CYTH3: variants seen among roughly 807,000 people sequenced by gnomAD.
CYTH3 encodes cytohesin 3, also known as cytohesin-3.
A neutral mutation model predicts 55.1 loss-of-function variants in CYTH3; 23 were observed. The ratio of observed to expected loss-of-function variants is 0.42; its 90% confidence interval spans 0.30 to 0.59. The LOEUF is 0.59. CYTH3 is among the 20% of genes least tolerant of loss of function. The pLI is 0.20. For synonymous variants in CYTH3, 249 were observed against 194.9 expected, an observed-to-expected ratio of 1.28 and a Z score of -2.31; for missense variants, 413 against 524.8, an observed-to-expected ratio of 0.79 and a Z score of 2.08.
chr7:6,234,055 C>G (rs1779456968), intron 1 of CYTH3, among the ~76,000 whole-genome samples: 1 of 152,240 alleles, frequency 6.6e-6, no homozygotes, highest in South Asian at 2.1e-4. Flanking sequence ...GTACCATCAC[C>G]TCAGGGCGAG....
intron 1 of CYTH3, among the ~76,000 whole-genome samples, chr7:6,256,925 A>G (rs959704930): frequency 5.3e-5 from 8 of 152,214 alleles, no homozygotes; most frequent in African/African-American, 1.9e-4. Context: ...TCTGACCACA[A>G]AAAGGAAGGA....
At chr7:6,195,272 C>CA (rs1351593537) in intron 1 of CYTH3, among the ~76,000 whole-genome samples, 1 of 151,982 alleles carries the variant, frequency 6.6e-6, no homozygotes, top group South Asian at 2.1e-4. Context: ...CATGGCAAAG[C>CA]AAAAAAATTT....
chr7:6,175,640 T>G (rs1783333340), intron 5 of CYTH3, among the ~76,000 whole-genome samples: 1 of 146,146 alleles, frequency 6.8e-6, no homozygotes, highest in African/African-American at 2.6e-5. Flanking sequence ...CTCTGCCTCC[T>G]GGGTTCAAGC....
chr7:6,190,908 C>T (rs1383097497), intron 1 of CYTH3, among the ~76,000 whole-genome samples: 2 of 151,658 alleles, frequency 1.3e-5, no homozygotes, highest in Non-Finnish European at 2.9e-5. Context: ...GAAACCCCAT[C>T]TCTATTAAAA....
intron 1 of CYTH3, among the ~76,000 whole-genome samples, chr7:6,209,326 G>GT (rs1784271070): frequency 6.6e-6 from 1 of 152,118 alleles, no homozygotes; most frequent in Non-Finnish European, 1.5e-5. Flanking sequence ...AAAAAATATT[G>GT]TAAGATCTTG....
chr7:6,264,252 G>GA lies in CYTH3; in HGVS notation c.34+8221dup, dbSNP rs898754844. Among the ~76,000 whole-genome samples, 18 of 147,066 alleles carry GA rather than the reference G, an allele frequency of 1.2e-4. No homozygotes were observed. The South Asian group carries it at 2.0e-3, about 16-fold the overall frequency. On this transcript the variant is annotated intron_variant, in intron 1 of 12. Transcript: ENST00000350796. ...ACAAGGGCAAAACTCCGTCTCAAAA[G>GA]AAAAAAAAACAAAAAGGAGACCTGT...
chr7:6,189,112 T>C (rs1423835290), intron 2 of CYTH3, among the ~76,000 whole-genome samples: 2 of 152,148 alleles, frequency 1.3e-5, no homozygotes, highest in African/African-American at 4.8e-5. Flanking sequence ...CTGATTGACT[T>C]TCCCAAGGAA....
chr7:6,171,314 C>T lies in CYTH3; in HGVS notation c.450G>A (p.Arg150=). 1 of 1,614,034 alleles carries T rather than the reference C, an allele frequency of 6.2e-7. No individual in the cohort carries two copies. Among genetic ancestry groups the T allele is most frequent in the Non-Finnish European group, 8.5e-7 (1 of 1,179,910 alleles). Residue 150 remains arginine (R), a splice_region_variant and synonymous_variant, in exon 7 of 13, where the codon AGG becomes AGA. Transcript: ENST00000350796. This position sits in a 1 kb window ranked among gnomAD's most constrained non-coding sequence, Gnocchi z 6.7. ...FADLNLVQAL[R]QFLWSFRLPG... ...GCAGCCTGAAGCTCCATAAGAACTG[C>T]CTGTGGAGACACCAAAGCCATGGGA...
rs73675862 is a variant in CYTH3, at chr7:6,168,780, C to A, written c.823+1755G>T. Among the ~76,000 whole-genome samples, 1,444 of 152,364 alleles carry A rather than the reference C, an allele frequency of 9.5e-3. 24 individuals carry two copies. The highest frequency in any genetic ancestry group is 0.032 in the African/African-American group (1,349 of 41,594). ...TGCCTTCATTTCATTCACACACTTACGTCTCTAGAGCCGACCTTTCCCTGG... is the reference window on the plus strand; with the variant it reads ...TGCCTTCATTTCATTCACACACTTAAGTCTCTAGAGCCGACCTTTCCCTGG... On this transcript the variant is annotated intron_variant, in intron 9 of 12. Coordinates refer to ENST00000350796, the MANE Select transcript of CYTH3 (RefSeq NM_004227.4).
intron 1 of CYTH3, among the ~76,000 whole-genome samples, chr7:6,263,379 A>G (rs1343751596): frequency 1.3e-5 from 2 of 152,238 alleles, no homozygotes; most frequent in Non-Finnish European, 2.9e-5. Context: ...AAGCATGCCT[A>G]TAACTCACAA....
chr7:6,228,549 C>A (rs562150136), intron 1 of CYTH3, among the ~76,000 whole-genome samples: 4 of 152,270 alleles, frequency 2.6e-5, no homozygotes, highest in East Asian at 1.9e-4. Flanking sequence ...AAACTCCCCC[C>A]AGATGACCTT....
At position 6,168,963 on chromosome 7, in the gene CYTH3, T is replaced by TC. The variant is rs901333354; in HGVS notation, c.823+1571dup. On this transcript the variant is annotated intron_variant, in intron 9 of 12. Coordinates refer to ENST00000350796, the MANE Select transcript of CYTH3 (RefSeq NM_004227.4). The stretch of plus-strand genomic sequence containing the variant: ...TGCCTGCCGGCATTTCCGGTTACAT[T>TC]CCCCCCCACCGGCCCTCACTCTAGA... Among the ~76,000 whole-genome samples the TC allele has an allele frequency of 1.0e-3, 156 of 151,146 alleles. 1 individual carries two copies. Among genetic ancestry groups the TC allele is most frequent in the African/African-American group, 3.5e-3 (143 of 41,136 alleles).
At chr7:6,204,768 T>G (rs1267049696) in intron 1 of CYTH3, among the ~76,000 whole-genome samples, 1 of 152,218 alleles carries the variant, frequency 6.6e-6, no homozygotes, top group Non-Finnish European at 1.5e-5. Flanking sequence ...TCAAAATACT[T>G]AGAGTGCTCT....
rs994363853 is a variant in CYTH3 at position 6,165,820 on chromosome 7, G to A, written c.824-10C>T. The A allele has an allele frequency of 1.2e-6, 2 of 1,613,846 alleles. No homozygotes were observed. Among genetic ancestry groups the A allele is most frequent in the Non-Finnish European group, 1.7e-6 (2 of 1,179,970 alleles). On this transcript the variant is annotated splice_polypyrimidine_tract_variant and intron_variant, in intron 9 of 12. Coordinates refer to ENST00000350796, the MANE Select transcript of CYTH3 (RefSeq NM_004227.4). ...GTCTTCACACGCCCTCCTAGAAGCA[G>A]AAGGGCCCCGTGAGTCTGCGCTCCG...
At chr7:6,195,535 A>C (rs566626777) in intron 1 of CYTH3, among the ~76,000 whole-genome samples, 80 of 152,030 alleles carry the variant, frequency 5.3e-4, no homozygotes, top group African/African-American at 1.8e-3. Flanking sequence ...GCTCACTGCA[A>C]CCTCCACCTC....
intron 4 of CYTH3, among the ~76,000 whole-genome samples, chr7:6,183,126 T>G (rs1264093879): frequency 6.6e-6 from 1 of 152,186 alleles, no homozygotes; most frequent in Admixed American, 6.5e-5. Flanking sequence ...CCCTCTTGCT[T>G]TTCCCACCTG....
chr7:6,261,045 A>G (rs1251672487), intron 1 of CYTH3, among the ~76,000 whole-genome samples: 56 of 152,272 alleles, frequency 3.7e-4, no homozygotes, highest in Non-Finnish European at 5.9e-5. Flanking sequence ...AACTGAACAA[A>G]TTATTAGAAA....
intron 1 of CYTH3, 65 bp downstream of exon 1, chr7:6,272,409 C>CGGGGGG: frequency 9.1e-6 from 11 of 1,212,364 alleles, no homozygotes; most frequent in African/African-American, 3.3e-5. Flanking sequence ...GCCGCGCCCT[C>CGGGGGG]GACCCCCAGC....
At chr7:6,215,328 C>T (rs1039030990) in intron 1 of CYTH3, among the ~76,000 whole-genome samples, 6 of 152,166 alleles carry the variant, frequency 3.9e-5, no homozygotes, top group Non-Finnish European at 5.9e-5. Flanking sequence ...CGGTGGCTCA[C>T]GCCTGTAATC....
Sources: gnomAD v4.1 joint callset for allele counts (sites outside exome capture counted in the v4.1 genomes callset) on GRCh38, gnomAD v4.1.1 for gene constraint, Gnocchi (gnomAD v3.1) non-coding constraint, MANE v1.5 for transcripts, NCBI Gene and HGNC (gene_info 2026-07-23, HGNC 2026-07-21) for gene names.